MFSD11: variants seen among roughly 807,000 people sequenced by gnomAD.
MFSD11 encodes major facilitator superfamily domain containing 11.
Under a neutral mutation model 53.5 loss-of-function variants are expected in MFSD11, and 36 were observed. The observed-to-expected ratio is 0.67, with a 90% CI of 0.52 to 0.89. MFSD11 has a LOEUF of 0.89. Among genes scored for constraint, MFSD11 ranks in the 40% least tolerant of loss-of-function variants. MFSD11 has a pLI of 0.00. For synonymous variants in MFSD11, 186 were observed against 184.9 expected (o/e 1.01, Z -0.05); for missense variants, 530 against 543.9 (o/e 0.97, Z 0.25).
At chr17:76,738,010 T>G (rs987731500), upstream of MFSD11, 1 of 332,376 alleles carries the variant, frequency 3.0e-6, no homozygotes, top group Admixed American at 4.8e-5. Context: ...TGAGTCAGGC[T>G]GGGAGGGCGG....
chr17:76,793,109 C>T, the MFSD11 span, among the ~76,000 whole-genome samples: 1 of 151,416 alleles, frequency 6.6e-6, no homozygotes, highest in African/African-American at 2.5e-5. Flanking sequence ...AATGAAGTTT[C>T]GGGCACGCAT....
intron 2 of MFSD11, among the ~76,000 whole-genome samples, chr17:76,739,993 C>A (rs1465802791): frequency 6.0e-5 from 9 of 150,668 alleles, no homozygotes; most frequent in African/African-American, 2.2e-4. Flanking sequence ...GGTGAAACCC[C>A]GTCTGTACTA....
At chr17:76,739,183 G>A (rs2077801040) in intron 2 of MFSD11, among the ~76,000 whole-genome samples, 190 bp downstream of exon 2, 1 of 152,166 alleles carries the variant, frequency 6.6e-6, no homozygotes, top group African/African-American at 2.4e-5. Context: ...TAGGCACTAG[G>A]TTTGAAATCC....
At position 76,755,882 on chromosome 17, in the gene MFSD11, G is replaced by A. The variant is rs528081490; in HGVS notation, c.682+1795G>A. ...CTTGTGGCCCAGGCTGGAATGCAAT[G>A]GTGCGATCTCAGCTCACCACAACCT... is the stretch of plus-strand genomic sequence containing the variant. On this transcript the variant is annotated intron_variant, in intron 8 of 12. Transcript: ENST00000685175. Among the ~76,000 whole-genome samples the A allele has an allele frequency of 8.5e-4, 110 of 130,030 alleles. No homozygotes were observed. In the South Asian group the frequency reaches 0.015, roughly 18 times the overall value. The allele number at this position is 130,030 out of a possible 152,430, so 85.3% of individuals were successfully genotyped here.
downstream of MFSD11, among the ~76,000 whole-genome samples, chr17:76,784,701 C>T (rs1028882576): frequency 1.3e-5 from 2 of 152,106 alleles, no homozygotes; most frequent in African/African-American, 2.4e-5. Context: ...TCGAGACCAG[C>T]CTGGCTGGCC....
At chr17:76,755,466 T>C (rs1317647188) in intron 8 of MFSD11, among the ~76,000 whole-genome samples, 1 of 152,058 alleles carries the variant, frequency 6.6e-6, no homozygotes, top group African/African-American at 2.4e-5. Context: ...AGGGCGTTAA[T>C]GACATGTGGC....
chr17:76,780,517 GTT>G (rs80157532), downstream of MFSD11, among the ~76,000 whole-genome samples: 8 of 134,500 alleles, frequency 5.9e-5, no homozygotes, highest in Admixed American at 7.5e-5. Flanking sequence ...TTGTGTATGT[GTT>G]TTTTTTTTTT....
chr17:76,760,177 A>G (rs1221547576), intron 8 of MFSD11, among the ~76,000 whole-genome samples: 1 of 149,400 alleles, frequency 6.7e-6, no homozygotes, highest in Non-Finnish European at 1.5e-5. Context: ...CTGAGGCAGG[A>G]GAATTGCTTG....
chr17:76,802,043 C>T, the MFSD11 span, among the ~76,000 whole-genome samples: 4 of 151,806 alleles, frequency 2.6e-5, no homozygotes, highest in Non-Finnish European at 2.9e-5. Context: ...CCAAGGTGAG[C>T]GGATCACTTT....
At chr17:76,749,796 A>G (rs2078889802) in intron 7 of MFSD11, among the ~76,000 whole-genome samples, 1 of 150,396 alleles carries the variant, frequency 6.6e-6, no homozygotes, top group African/African-American at 2.4e-5. Flanking sequence ...AGGCTGAGGT[A>G]GGAGAATCGC....
chr17:76,755,813 T>TATATATA (rs1491559378), intron 8 of MFSD11, among the ~76,000 whole-genome samples: 2 of 15,060 alleles, frequency 1.3e-4, no homozygotes, highest in African/African-American at 2.4e-4. Context: ...TATATATATA[T>TATATATA]TTTTTTTTTT....
chr17:76,786,011 G>T (rs1273375368), downstream of MFSD11, among the ~76,000 whole-genome samples: 11 of 142,770 alleles, frequency 7.7e-5, no homozygotes. Flanking sequence ...GAAGGCAGAG[G>T]TTGCAGTGAG....
chr17:76,772,420 A>G (rs1388305767), intron 10 of MFSD11, among the ~76,000 whole-genome samples: 1 of 151,990 alleles, frequency 6.6e-6, no homozygotes. Context: ...AAAAACCAAA[A>G]CAAAAAAAGA....
chr17:76,802,457 C>CTA, the MFSD11 span, among the ~76,000 whole-genome samples: 2 of 152,204 alleles, frequency 1.3e-5, no homozygotes, highest in African/African-American at 4.8e-5. Context: ...CTCAGCAACT[C>CTA]TAACTCTTAG....
At chr17:76,762,416 G>A (rs144938843) in intron 8 of MFSD11, among the ~76,000 whole-genome samples, 33 of 152,220 alleles carry the variant, frequency 2.2e-4, no homozygotes, top group African/African-American at 7.5e-4. Context: ...CTGAGCATCC[G>A]GGCAGCTTAT....
chr17:76,775,986 T>C (rs2081798741), intron 11 of MFSD11, among the ~76,000 whole-genome samples: 1 of 152,148 alleles, frequency 6.6e-6, no homozygotes, highest in East Asian at 1.9e-4. Flanking sequence ...TTTATTTATT[T>C]ATTTATTTTG....
intron 7 of MFSD11, among the ~76,000 whole-genome samples, chr17:76,749,950 G>A (rs543905319): frequency 6.6e-6 from 1 of 152,050 alleles, no homozygotes; most frequent in South Asian, 2.1e-4. Context: ...GGTGGAAGGG[G>A]AGCTGTTGCA....
the MFSD11 span, among the ~76,000 whole-genome samples, chr17:76,798,336 T>C: frequency 2.0e-5 from 3 of 152,168 alleles, no homozygotes; most frequent in Non-Finnish European, 4.4e-5. Context: ...CAGCACCCCA[T>C]GTATTCACCA....
chr17:76,783,855 C>T (rs2082229820), downstream of MFSD11, among the ~76,000 whole-genome samples: 1 of 152,002 alleles, frequency 6.6e-6, no homozygotes, highest in Non-Finnish European at 1.5e-5. Context: ...TGAGCCCCCA[C>T]TCCTGACCCC....
Sources: gnomAD v4.1 joint callset for allele counts (sites outside exome capture counted in the v4.1 genomes callset) on GRCh38, gnomAD v4.1.1 for gene constraint, MANE v1.5 for transcripts, NCBI Gene and HGNC (gene_info 2026-07-23, HGNC 2026-07-21) for gene names.